Variants in WDR11 observed in about 807,000 individuals in gnomAD.
The protein encoded by WDR11 is WD repeat-containing protein 11.
Under a neutral mutation model 151.2 loss-of-function variants are expected in WDR11, and 83 were observed. The ratio of observed to expected loss-of-function variants is 0.55; its 90% CI spans 0.46 to 0.66. The LOEUF (loss-of-function observed/expected upper bound fraction) is 0.66, where lower values mean the gene tolerates loss of function less well. Among genes scored for constraint, WDR11 ranks in the 30% least tolerant of loss-of-function variants. The probability of loss-of-function intolerance (pLI) is 0.00; values close to 1 mark genes in which losing one functional copy is unlikely to be tolerated. For missense variants in WDR11, 1,301 were observed against 1,480.9 expected (o/e 0.88, Z 1.99); for synonymous variants, 484 against 533.1 (o/e 0.91, Z 1.27).
At chr10:120,853,926 A>G (rs1845863322) in intron 2 of WDR11, among the ~76,000 whole-genome samples, 2 of 152,158 alleles carry the variant, frequency 1.3e-5, no homozygotes, top group Non-Finnish European at 2.9e-5. Context: ...TCAACATGCA[A>G]AATCTGAGAT....
chr10:120,897,984 A>G (rs1207019190), intron 19 of WDR11, among the ~76,000 whole-genome samples: 1 of 152,196 alleles, frequency 6.6e-6, no homozygotes, highest in Non-Finnish European at 1.5e-5. Flanking sequence ...TTTAATTTTT[A>G]TTTAACTACA....
chr10:120,904,052 T>C lies in WDR11; in HGVS notation c.2937T>C (p.Phe979=). ...VLCENAYFQK[F]QLERVNLQEV... is the part of the protein sequence containing the mutation. ...TCTTTTTTTTCCAATTCTAGAAATT[T>C]CAGCTAGAAAGGGTTAATCTGCAGG... Residue 979 remains phenylalanine, a synonymous_variant, in exon 24 of 29, where the codon TTT becomes TTC. Transcript: ENST00000263461. 1 of 1,607,848 alleles carries C rather than the reference T, an allele frequency of 6.2e-7. No individual in the cohort carries two copies. The highest frequency in any genetic ancestry group is 2.2e-5 in the East Asian group (1 of 44,782).
In WDR11 at chr10:120,908,768, T is replaced by A; in HGVS notation, c.*55T>A. On this transcript the variant is annotated 3_prime_UTR_variant, in exon 29 of 29. Coordinates refer to ENST00000263461, the MANE Select transcript of WDR11 (RefSeq NM_018117.12). ...TGGAAGGCAGATGGGAGGGGGCTGG[T>A]CTGGCTGTGGCCACCGTCACAGTCC... 6.2e-7 allele frequency: 1 copy of A among 1,604,048 alleles called. No homozygotes were observed. Among genetic ancestry groups the A allele is most frequent in the Non-Finnish European group, 8.5e-7 (1 of 1,172,652 alleles).
intron 28 of WDR11, chr10:120,907,844 A>G (rs983567115): frequency 7.5e-5 from 11 of 146,940 alleles, no homozygotes; most frequent in Non-Finnish European, 1.6e-4. Context: ...GGGTCTCACT[A>G]TGTTGCCCAG....
At chr10:120,903,403 A>G (rs573487629) in intron 23 of WDR11, among the ~76,000 whole-genome samples, 171 bp downstream of exon 23, 1 of 151,984 alleles carries the variant, frequency 6.6e-6, no homozygotes, top group Admixed American at 6.5e-5. Context: ...CCAGCTACTC[A>G]GGAGGCTGAG....
Position 120,885,953 on chromosome 10 carries a change from T to A in WDR11, c.1973+15T>A. The A allele has an allele frequency of 6.2e-7, 1 of 1,612,774 alleles. No homozygotes were observed. The highest frequency in any genetic ancestry group is 1.8e-4 in the Middle Eastern group (1 of 5,678). On this transcript the variant is annotated intron_variant, in intron 15 of 28. Coordinates refer to ENST00000263461, the MANE Select transcript of WDR11 (RefSeq NM_018117.12). ...TCTGTGATCAGGTACAGTACAGTGTTTCTTGACACTGTCATTTGTGCCATT... is the reference window on the plus strand; with the variant it reads ...TCTGTGATCAGGTACAGTACAGTGTATCTTGACACTGTCATTTGTGCCATT...
intron 11 of WDR11, 32 bp from the exon 12 acceptor site, chr10:120,878,321 T>A (rs1157356748): frequency 6.8e-7 from 1 of 1,475,752 alleles, no homozygotes; most frequent in East Asian, 2.3e-5. Flanking sequence ...AAAAGAGAAT[T>A]AGTTTAACCT....
At chr10:120,885,766 A>G in intron 14 of WDR11, 48 bp from the exon 15 acceptor site, 2 of 1,610,876 alleles carry the variant, frequency 1.2e-6, no homozygotes, top group South Asian at 2.2e-5. Flanking sequence ...CGATTCTTTG[A>G]CAGAAGGAAA....
Position 120,888,604 on chromosome 10 carries a change from A to G in WDR11, c.2122-474A>G, listed in dbSNP as rs1002202149. On this transcript the variant is annotated intron_variant, in intron 16 of 28. Transcript: ENST00000263461. ...ATCTCTTCACCTTCATGATTCCACAATGTTCCAAAACGTGTCAGTGAAGCT... is the reference window on the plus strand; with the variant it reads ...ATCTCTTCACCTTCATGATTCCACAGTGTTCCAAAACGTGTCAGTGAAGCT... Among the ~76,000 whole-genome samples, 11 of 152,184 alleles carry G rather than the reference A, an allele frequency of 7.2e-5. 1 individual carries two copies. The highest frequency in any genetic ancestry group is 4.1e-4 in the South Asian group (2 of 4,828).
At chr10:120,880,937 T>C (rs910376266) in intron 13 of WDR11, 36 bp downstream of exon 13, 49 of 1,544,350 alleles carry the variant, frequency 3.2e-5, no homozygotes, top group Non-Finnish European at 4.1e-5. Context: ...TATGGTGTTA[T>C]CACAATGAAA....
At chr10:120,880,797 C>T (rs765751444) in intron 12 of WDR11, 29 bp from the exon 13 acceptor site, 1 of 1,573,306 alleles carries the variant, frequency 6.4e-7, no homozygotes, top group Non-Finnish European at 8.7e-7. Context: ...ATGCACTGTT[C>T]TCACTTTTTT....
intron 9 of WDR11, among the ~76,000 whole-genome samples, chr10:120,869,888 C>A (rs1846471775): frequency 6.6e-6 from 1 of 152,152 alleles, no homozygotes; most frequent in Non-Finnish European, 1.5e-5. Context: ...CTCCCGAGTT[C>A]AAGCGATTCT....
intron 4 of WDR11, chr10:120,862,515 CATA>C: frequency 1.9e-6 from 1 of 523,020 alleles, no homozygotes; most frequent in Non-Finnish European, 3.4e-6. Context: ...TAATATAAGA[CATA>C]ATATAGAATG....
chr10:120,884,843 A>G (rs1847159654), intron 14 of WDR11, among the ~76,000 whole-genome samples: 1 of 152,214 alleles, frequency 6.6e-6, no homozygotes. Flanking sequence ...AACAAGCCAT[A>G]TAAAGGAATG....
At chr10:120,862,285 G>A (rs1405623240) in intron 4 of WDR11, among the ~76,000 whole-genome samples, 1 of 151,928 alleles carries the variant, frequency 6.6e-6, no homozygotes, top group Non-Finnish European at 1.5e-5. Flanking sequence ...GATTACAGGT[G>A]TGTGCCACCA....
Position 120,889,630 on chromosome 10 carries a change from G to A in WDR11, c.2229-265G>A. 10 of 495,816 alleles carry A rather than the reference G, an allele frequency of 2.0e-5. No homozygotes were observed. The South Asian group carries it at 2.1e-4, about 10-fold the overall frequency. The allele number at this position is 495,816 out of a possible 1,614,324, so 30.7% of individuals were successfully genotyped here. The stretch of plus-strand genomic sequence containing the variant: ...CGTGGAGGTGTAGCTTGGACCCTTG[G>A]GTCCCTTCACCTAAACTTGGGAGGA... On this transcript the variant is annotated intron_variant, in intron 17 of 28. Coordinates refer to ENST00000263461, the MANE Select transcript of WDR11 (RefSeq NM_018117.12).
At chr10:120,851,638 C>G (rs1845776539) in intron 1 of WDR11, 132 bp downstream of exon 1, 1 of 1,098,446 alleles carries the variant, frequency 9.1e-7, no homozygotes, top group Admixed American at 2.1e-5. Context: ...ACGCAATGAG[C>G]TTGCTTTCAG....
chr10:120,860,552 CAG>C (rs1385721544), intron 4 of WDR11, among the ~76,000 whole-genome samples: 5 of 152,186 alleles, frequency 3.3e-5, no homozygotes, highest in Non-Finnish European at 7.3e-5. Flanking sequence ...TAGCCAGGGA[CAG>C]AGAGTTACTT....
In WDR11 at chr10:120,903,985, A is replaced by C. The variant is rs1387105386; in HGVS notation, c.2932-62A>C. 4.3e-6 allele frequency: 5 copies of C among 1,174,076 alleles called. No homozygotes were observed. In the African/African-American group the frequency reaches 7.8e-5, roughly 18 times the overall value. 72.7% of individuals were successfully genotyped at this position (1,174,076 alleles called of 1,614,324 possible). A position where few individuals can be genotyped will look rare whatever the true frequency, so the allele number is the denominator to read the frequency against. ...AAAATGATCTTATTAAGTACAGTAA[A>C]ATTTAAATAATTCCAAACTCTTATA... On this transcript the variant is annotated intron_variant, in intron 23 of 28. Transcript: ENST00000263461.
Sources: allele counts gnomAD v4.1 joint callset (sites outside exome capture counted in the v4.1 genomes callset), GRCh38; gene constraint gnomAD v4.1.1; transcripts MANE v1.5; gene names NCBI Gene and HGNC (gene_info 2026-07-23, HGNC 2026-07-21).